NR2F1-AS1: variants seen among roughly 807,000 people sequenced by gnomAD.
NR2F1-AS1 encodes the protein NR2F1 regulatory antisense RNA 1, also known as NR2F1 antisense RNA 1.
At chr5:93,415,633 T>C (rs1015541675) in intron 4 of NR2F1-AS1, among the ~76,000 whole-genome samples, 8 of 152,200 alleles carry the variant, frequency 5.3e-5, no homozygotes, top group Admixed American at 4.6e-4. Context: ...TGACTTAACT[T>C]TTTTAAATGA....
At chr5:93,507,249 C>T (rs986220831) in intron 4 of NR2F1-AS1, among the ~76,000 whole-genome samples, 1 of 152,162 alleles carries the variant, frequency 6.6e-6, no homozygotes, top group African/African-American at 2.4e-5. Flanking sequence ...AAATCAGAAA[C>T]AAGATAAAAA....
intron 4 of NR2F1-AS1, among the ~76,000 whole-genome samples, chr5:93,492,103 A>G (rs2149880864): frequency 6.6e-6 from 1 of 152,330 alleles, no homozygotes; most frequent in South Asian, 2.1e-4. Context: ...AAATCTGACA[A>G]GAAAGCAGAG....
rs535749559 is a variant in NR2F1-AS1 at position 93,562,439 on chromosome 5, A to G, written n.413+925T>C. 1.9e-3 allele frequency among the ~76,000 whole-genome samples: 289 copies of G among 151,934 alleles called. 1 individual carries two copies. Among genetic ancestry groups the G allele is most frequent in the Non-Finnish European group, 2.4e-3 (163 of 67,950 alleles). On this transcript the variant is annotated intron_variant and non_coding_transcript_variant, in intron 2 of 5. Transcript: ENST00000660523. ...CCCAAGGAGATGGGTCCACAGGCAC[A>G]TGCCACCAAGCTGGGCTAATTATTG...
At chr5:93,524,114 G>T (rs1274617415) in intron 4 of NR2F1-AS1, among the ~76,000 whole-genome samples, 2 of 151,828 alleles carry the variant, frequency 1.3e-5, no homozygotes, top group Non-Finnish European at 2.9e-5. Flanking sequence ...CTTGAAAAAA[G>T]GTAAGACGAA....
intron 4 of NR2F1-AS1, among the ~76,000 whole-genome samples, chr5:93,530,325 G>A (rs1031553609): frequency 3.3e-5 from 5 of 151,990 alleles, no homozygotes; most frequent in East Asian, 1.9e-4. Flanking sequence ...CTCGTGATCC[G>A]CCTGCCTTGG....
At chr5:93,522,165 G>T (rs146616630) in intron 4 of NR2F1-AS1, among the ~76,000 whole-genome samples, 3 of 152,076 alleles carry the variant, frequency 2.0e-5, no homozygotes, top group African/African-American at 7.2e-5. Flanking sequence ...GATAACTTAT[G>T]AACACAAAGA....
intron 4 of NR2F1-AS1, among the ~76,000 whole-genome samples, chr5:93,502,980 A>G (rs1751115278): frequency 6.6e-6 from 1 of 152,212 alleles, no homozygotes; most frequent in Non-Finnish European, 1.5e-5. Flanking sequence ...AGCTAATTAC[A>G]TTGTTTACCT....
chr5:93,540,756 A>C (rs1561490387), intron 4 of NR2F1-AS1, among the ~76,000 whole-genome samples: 1 of 152,176 alleles, frequency 6.6e-6, no homozygotes, highest in Non-Finnish European at 1.5e-5. Flanking sequence ...CACACACACA[A>C]AAAAACACAC....
chr5:93,562,955 T>C (rs56111638), intron 2 of NR2F1-AS1, among the ~76,000 whole-genome samples: 40,763 of 152,156 alleles, frequency 0.27, 6,855 homozygotes, highest in Non-Finnish European at 0.37. Flanking sequence ...AACAAATTTT[T>C]ACATCATGCA....
chr5:93,562,482 T>C (rs140867285), intron 2 of NR2F1-AS1, among the ~76,000 whole-genome samples: 1 of 151,998 alleles, frequency 6.6e-6, no homozygotes, highest in African/African-American at 2.4e-5. Context: ...TTTGTAGAGA[T>C]AGGGTTTCAC....
intron 4 of NR2F1-AS1, among the ~76,000 whole-genome samples, chr5:93,453,336 T>C (rs1672784108): frequency 6.6e-6 from 1 of 151,820 alleles, no homozygotes; most frequent in South Asian, 2.1e-4. Flanking sequence ...CAGACTAATA[T>C]ATATGTAACT....
intron 4 of NR2F1-AS1, among the ~76,000 whole-genome samples, chr5:93,472,091 A>G (rs921592911): frequency 4.6e-5 from 7 of 151,838 alleles, no homozygotes; most frequent in African/African-American, 1.4e-4. Flanking sequence ...AGATTAGATA[A>G]CTTATATAAG....
At chr5:93,487,447 C>T (rs970818376) in intron 4 of NR2F1-AS1, among the ~76,000 whole-genome samples, 1 of 152,130 alleles carries the variant, frequency 6.6e-6, no homozygotes, top group Non-Finnish European at 1.5e-5. Flanking sequence ...TTCCTATACA[C>T]CAATAATAGA....
chr5:93,577,411 C>T (rs1752921197), intron 1 of NR2F1-AS1, among the ~76,000 whole-genome samples: 1 of 152,206 alleles, frequency 6.6e-6, no homozygotes, highest in South Asian at 2.1e-4. Flanking sequence ...GTAGGCAGTC[C>T]ACCAGAAGCC....
At chr5:93,524,071 C>T (rs1170051629) in intron 4 of NR2F1-AS1, among the ~76,000 whole-genome samples, 1 of 151,888 alleles carries the variant, frequency 6.6e-6, no homozygotes, top group Non-Finnish European at 1.5e-5. Flanking sequence ...GCTGAAGGAG[C>T]ATCTTCTAAC....
chr5:93,426,048 T>C (rs1749188214), intron 4 of NR2F1-AS1, among the ~76,000 whole-genome samples: 1 of 152,000 alleles, frequency 6.6e-6, no homozygotes. Flanking sequence ...ACCTAATTTT[T>C]TTTTTTTTTA....
chr5:93,461,154 T>C (rs1750082261), intron 4 of NR2F1-AS1, among the ~76,000 whole-genome samples: 1 of 152,084 alleles, frequency 6.6e-6, no homozygotes, highest in African/African-American at 2.4e-5. Context: ...TATGCAGCCA[T>C]AAAAAGGAAC....
chr5:93,575,192 T>C (rs1390305079), intron 1 of NR2F1-AS1, among the ~76,000 whole-genome samples: 1 of 152,242 alleles, frequency 6.6e-6, no homozygotes, highest in East Asian at 1.9e-4. Flanking sequence ...GAATTTTACT[T>C]AGAAGAACAT....
At chr5:93,557,049 C>T (rs547876211) in intron 2 of NR2F1-AS1, among the ~76,000 whole-genome samples, 1 of 152,068 alleles carries the variant, frequency 6.6e-6, no homozygotes, top group African/African-American at 2.4e-5. Context: ...AATCTAGTGC[C>T]AAAAACTTCT....
Sources: gnomAD v4.1 joint callset for allele counts (sites outside exome capture counted in the v4.1 genomes callset) on GRCh38, gnomAD v4.1.1 for gene constraint, MANE v1.5 for transcripts, NCBI Gene and HGNC (gene_info 2026-07-23, HGNC 2026-07-21) for gene names.